MKLN1: variants seen among roughly 807,000 people sequenced by gnomAD.
MKLN1 encodes muskelin 1, also known as muskelin.
A neutral mutation model predicts 99.0 loss-of-function variants in MKLN1; 18 were observed. The observed-to-expected ratio is 0.18, with a 90% confidence interval of 0.13 to 0.27. MKLN1 has a LOEUF of 0.27. Among genes scored for constraint, MKLN1 ranks in the 10% least tolerant of loss-of-function variants. The pLI, the probability that MKLN1 is intolerant of heterozygous loss-of-function variation, is 1.00. For missense variants in MKLN1, 621 were observed against 875.9 expected, an observed-to-expected ratio of 0.71 and a Z score of 3.67; for synonymous variants, 288 against 293.2, an observed-to-expected ratio of 0.98 and a Z score of 0.18.
intron 9 of MKLN1, 40 bp from the exon 10 acceptor site, chr7:131,437,745 T>G (rs1348113772): frequency 1.4e-6 from 2 of 1,447,522 alleles, no homozygotes. Flanking sequence ...TTTTTTGCTC[T>G]TTATTTGTTT....
intron 1 of MKLN1, among the ~76,000 whole-genome samples, chr7:131,111,602 A>G (rs760129841): frequency 7.9e-5 from 12 of 152,146 alleles, no homozygotes; most frequent in Non-Finnish European, 1.8e-4. Flanking sequence ...TCATCATTTG[A>G]GGAGTAGACT....
At position 131,430,629 on chromosome 7, in the gene MKLN1, A is replaced by G. The variant is rs536098970; in HGVS notation, c.960+1484A>G. On this transcript the variant is annotated intron_variant, in intron 9 of 17. Coordinates refer to ENST00000352689, the MANE Select transcript of MKLN1 (RefSeq NM_013255.5). ...AACAGTTCTCCAAGTGCCTGGCATGATCCAACAGGTCATCCAATACCACAT... is the reference window on the plus strand; with the variant it reads ...AACAGTTCTCCAAGTGCCTGGCATGGTCCAACAGGTCATCCAATACCACAT... Among the ~76,000 whole-genome samples, 3 of 152,288 alleles carry G rather than the reference A, an allele frequency of 2.0e-5. No homozygotes were observed. In the South Asian group the frequency reaches 6.2e-4, roughly 32 times the overall value.
chr7:131,143,710 C>T (rs974261081), intron 2 of MKLN1, among the ~76,000 whole-genome samples: 3 of 151,932 alleles, frequency 2.0e-5, no homozygotes, highest in African/African-American at 7.3e-5. Flanking sequence ...TGCCTATAGA[C>T]CCAGCTACTT....
rs764705289 is a variant in MKLN1, at chr7:131,493,875, A to G, written c.*6147A>G. 6.6e-6 allele frequency: 1 copy of G among 152,176 alleles called. No individual in the cohort carries two copies. Among genetic ancestry groups the G allele is most frequent in the African/African-American group, 2.4e-5 (1 of 41,448 alleles). The allele number at this position is 152,176 out of a possible 1,614,324, so 9.4% of individuals were successfully genotyped here. ...CATTCTTCAGTTTCATTCATTACTT[A>G]ATGAATGCCAAATTAATTGGCAGGA... On this transcript the variant is annotated 3_prime_UTR_variant, in exon 18 of 18. Coordinates refer to ENST00000352689, the MANE Select transcript of MKLN1 (RefSeq NM_013255.5).
chr7:131,470,745 C>T, intron 15 of MKLN1, 97 bp from the exon 16 acceptor site: 1 of 782,828 alleles, frequency 1.3e-6, no homozygotes, highest in Non-Finnish European at 2.2e-6. Context: ...AACAACTCCT[C>T]ATACTCAGTA....
chr7:131,350,797 TCAATGAGATGAAATTA>T (rs1391082527), intron 1 of MKLN1, among the ~76,000 whole-genome samples: 2 of 152,150 alleles, frequency 1.3e-5, no homozygotes, highest in East Asian at 3.9e-4. Flanking sequence ...CAACCTACAC[TCAATGAGATGAAATTA>T]CAATGAGATG....
At chr7:131,263,635 G>T (rs181792714) in intron 3 of MKLN1, among the ~76,000 whole-genome samples, 2 of 150,886 alleles carry the variant, frequency 1.3e-5, no homozygotes, top group Non-Finnish European at 2.9e-5. Flanking sequence ...GCAGTGGCAC[G>T]ATCTCGGCTC....
intron 2 of MKLN1, among the ~76,000 whole-genome samples, chr7:131,149,428 T>C (rs1368962241): frequency 6.9e-6 from 1 of 145,890 alleles, no homozygotes; most frequent in Non-Finnish European, 1.5e-5. Context: ...TTCTGTAGTA[T>C]TAGAACAAGG....
intron 1 of MKLN1, among the ~76,000 whole-genome samples, chr7:131,347,187 G>A (rs568042662): frequency 2.0e-5 from 3 of 152,146 alleles, no homozygotes; most frequent in Admixed American, 2.0e-4. Flanking sequence ...AAATAGAAAC[G>A]AAAGGAAAAA....
intron 4 of MKLN1, among the ~76,000 whole-genome samples, chr7:131,393,653 G>T (rs1379989783): frequency 2.6e-5 from 4 of 151,986 alleles, no homozygotes. Context: ...AAGAGACAGG[G>T]TCTTTCTCGG....
chr7:131,218,816 T>C (rs1327042736), intron 3 of MKLN1, among the ~76,000 whole-genome samples: 2 of 152,136 alleles, frequency 1.3e-5, no homozygotes, highest in South Asian at 2.1e-4. Flanking sequence ...ACCAAAGAAA[T>C]TGAAGTTCCT....
intron 3 of MKLN1, among the ~76,000 whole-genome samples, chr7:131,293,472 T>C (rs866233370): frequency 2.6e-5 from 4 of 152,164 alleles, no homozygotes; most frequent in Admixed American, 2.0e-4. Flanking sequence ...GAAAAATGTA[T>C]AGTGAGAGAC....
At chr7:131,305,013 G>C (rs921027894) in intron 3 of MKLN1, among the ~76,000 whole-genome samples, 2 of 152,122 alleles carry the variant, frequency 1.3e-5, no homozygotes, top group African/African-American at 4.8e-5. Context: ...ACAGCCATCC[G>C]TCCCCTCTGG....
intron 1 of MKLN1, among the ~76,000 whole-genome samples, chr7:131,358,742 C>T (rs1293448127): frequency 2.6e-5 from 4 of 152,028 alleles, no homozygotes; most frequent in African/African-American, 2.4e-5. Context: ...GTCGCTTTCT[C>T]GACTTTTGGT....
At chr7:131,159,249 G>A (rs1259999813) in intron 2 of MKLN1, among the ~76,000 whole-genome samples, 1 of 152,054 alleles carries the variant, frequency 6.6e-6, no homozygotes, top group Non-Finnish European at 1.5e-5. Context: ...AGCAAGGGTG[G>A]GGGACAGGCT....
At chr7:131,420,217 T>G (rs1795149667) in intron 8 of MKLN1, among the ~76,000 whole-genome samples, 1 of 148,920 alleles carries the variant, frequency 6.7e-6, no homozygotes, top group East Asian at 2.0e-4. Context: ...GTATGTGGAA[T>G]GAGCCCATCA....
At chr7:131,215,675 G>A (rs1796970208) in intron 3 of MKLN1, among the ~76,000 whole-genome samples, 1 of 152,134 alleles carries the variant, frequency 6.6e-6, no homozygotes, top group African/African-American at 2.4e-5. Context: ...TAGTCTGTAT[G>A]ATATTCTTCA....
chr7:131,478,595 C>CTTTTTTTTTTTTTTTTTTTT (rs3080645), intron 16 of MKLN1, 28 bp from the exon 17 acceptor site: 1 of 1,034,246 alleles, frequency 9.7e-7, no homozygotes, highest in Non-Finnish European at 1.2e-6. Flanking sequence ...TTTGCTGCTT[C>CTTTTTTTTTTTTTTTTTTTT]TTTTTTTTTT....
At chr7:131,306,991 C>T (rs1329392404) in intron 3 of MKLN1, among the ~76,000 whole-genome samples, 1 of 152,126 alleles carries the variant, frequency 6.6e-6, no homozygotes, top group Non-Finnish European at 1.5e-5. Flanking sequence ...GTACCAGGGC[C>T]CCACTACTCT....
Sources: gnomAD v4.1 joint callset for allele counts (sites outside exome capture counted in the v4.1 genomes callset) on GRCh38, gnomAD v4.1.1 for gene constraint, MANE v1.5 for transcripts, NCBI Gene and HGNC (gene_info 2026-07-23, HGNC 2026-07-21) for gene names.